The following PCDH15 variants were observed in gnomAD, a reference collection of about 807,000 sequenced individuals.
PCDH15 encodes the protein protocadherin-15.
PCDH15 carries 129 observed loss-of-function variants against 178.5 expected under a neutral mutation model. That is an observed-to-expected ratio of 0.72 (90% CI 0.63 to 0.84). The LOEUF (loss-of-function observed/expected upper bound fraction) is 0.84, where lower values mean the gene tolerates loss of function less well. Among genes scored for constraint, PCDH15 ranks in the 40% least tolerant of loss-of-function variants. PCDH15 has a pLI of 0.00. For synonymous variants in PCDH15, 800 were observed against 732.0 expected (o/e 1.09, Z -1.50); for missense variants, 2,230 against 2,099.9 (o/e 1.06, Z -1.21).
chr10:54,458,946 A>C (rs1341885582), intron 3 of PCDH15, among the ~76,000 whole-genome samples: 1 of 152,074 alleles, frequency 6.6e-6, no homozygotes, highest in Non-Finnish European at 1.5e-5. Flanking sequence ...TTCCATTGTA[A>C]CATTGATGAG....
intron 16 of PCDH15, among the ~76,000 whole-genome samples, chr10:54,085,132 T>G (rs2094496040): frequency 6.6e-6 from 1 of 152,114 alleles, no homozygotes; most frequent in African/African-American, 2.4e-5. Context: ...AGAGCTGAGC[T>G]GTCAGGGAAT....
chr10:54,455,337 TG>T (rs2076747201), intron 3 of PCDH15, among the ~76,000 whole-genome samples: 1 of 152,160 alleles, frequency 6.6e-6, no homozygotes, highest in Non-Finnish European at 1.5e-5. Flanking sequence ...TGGAAAAGTT[TG>T]GAGGGCTTAG....
intron 2 of PCDH15, among the ~76,000 whole-genome samples, chr10:54,596,392 C>T (rs2092240781): frequency 2.0e-5 from 3 of 152,056 alleles, no homozygotes; most frequent in Admixed American, 2.0e-4. Flanking sequence ...AAATATGATC[C>T]TTTTCAGAAA....
At chr10:53,810,208 G>C (rs974003334) in intron 37 of PCDH15, among the ~76,000 whole-genome samples, 5 of 152,014 alleles carry the variant, frequency 3.3e-5, no homozygotes, top group African/African-American at 1.2e-4. Flanking sequence ...TTTTAGTTTT[G>C]CTAGATAATG....
intron 2 of PCDH15, among the ~76,000 whole-genome samples, chr10:55,462,962 T>C (rs1839711738): frequency 6.6e-6 from 1 of 152,044 alleles, no homozygotes; most frequent in Non-Finnish European, 1.5e-5. Context: ...AAATGTTTTA[T>C]GTATTATGTG....
intron 2 of PCDH15, among the ~76,000 whole-genome samples, chr10:55,558,012 G>C (rs983005225): frequency 1.3e-5 from 2 of 151,992 alleles, no homozygotes; most frequent in African/African-American, 4.8e-5. Flanking sequence ...ACCATGGAGA[G>C]GGCACTAGAC....
chr10:54,845,436 A>T (rs1434054704), intron 3 of PCDH15, among the ~76,000 whole-genome samples: 1 of 152,064 alleles, frequency 6.6e-6, no homozygotes, highest in Non-Finnish European at 1.5e-5. Flanking sequence ...AGAATGAAAC[A>T]TGTTTTGGAT....
Position 54,336,131 on chromosome 10 carries a change from G to C in PCDH15, c.595-6425C>G, listed in dbSNP as rs191707753. Among the ~76,000 whole-genome samples the C allele has an allele frequency of 1.5e-3, 227 of 152,290 alleles. 1 individual carries two copies. The highest frequency in any genetic ancestry group is 2.6e-3 in the Non-Finnish European group (175 of 68,022). On this transcript the variant is annotated intron_variant, in intron 6 of 37. Transcript: ENST00000644397. ...TGATTTAGGTTATTTGGTGACATAA[G>C]TTTCTAAGTAGCAAAACATTCAAGA...
chr10:54,331,847 A>G (rs1215657672), intron 6 of PCDH15, among the ~76,000 whole-genome samples: 2 of 152,024 alleles, frequency 1.3e-5, no homozygotes, highest in Non-Finnish European at 2.9e-5. Context: ...AGTCTTGAAT[A>G]GTCTAGCTTA....
chr10:54,362,356 T>C (rs1187495533), intron 5 of PCDH15, among the ~76,000 whole-genome samples: 1 of 151,946 alleles, frequency 6.6e-6, no homozygotes, highest in East Asian at 1.9e-4. Flanking sequence ...AACATTAAAA[T>C]TATTATAAAT....
Position 54,131,604 on chromosome 10 carries a change from T to C in PCDH15, c.1917+1271A>G, listed in dbSNP as rs577995836. Reference sequence around the variant, plus strand: ...ATAATTTTGTTTCAATATTAAATGATCAATTAAAGCAAACTTTCTCTAAGT... The same window carrying C: ...ATAATTTTGTTTCAATATTAAATGACCAATTAAAGCAAACTTTCTCTAAGT... On this transcript the variant is annotated intron_variant, in intron 15 of 37. Transcript: ENST00000644397. 2.0e-5 allele frequency among the ~76,000 whole-genome samples: 3 copies of C among 152,294 alleles called. No individual in the cohort carries two copies. In the East Asian group the frequency reaches 5.8e-4, roughly 29 times the overall value.
At chr10:54,719,383 C>T (rs1299652945) in intron 1 of PCDH15, among the ~76,000 whole-genome samples, 1 of 151,836 alleles carries the variant, frequency 6.6e-6, no homozygotes, top group Non-Finnish European at 1.5e-5. Context: ...GTGTCCAAAC[C>T]TACAAACTGT....
Position 54,978,383 on chromosome 10 carries a change from G to A in PCDH15, c.-79-80883C>T, listed in dbSNP as rs117078160. Among the ~76,000 whole-genome samples the A allele has an allele frequency of 1.8e-4, 28 of 152,194 alleles. No individual in the cohort carries two copies. The East Asian group carries it at 5.0e-3, about 27-fold the overall frequency. The stretch of plus-strand genomic sequence containing the variant: ...ATCGTGCATGTTATACGACTACTTT[G>A]AATGAGGGTAGAGATAATTTTACAA... On this transcript the variant is annotated intron_variant, in intron 2 of 5. Coordinates refer to the PCDH15 transcript ENST00000458638.
chr10:53,843,384 T>C (rs1423815859), intron 28 of PCDH15, among the ~76,000 whole-genome samples: 1 of 151,288 alleles, frequency 6.6e-6, no homozygotes, highest in Non-Finnish European at 1.5e-5. Flanking sequence ...TACCTATATG[T>C]ATATAAATTT....
At chr10:54,037,727 T>C (rs995419252) in intron 18 of PCDH15, among the ~76,000 whole-genome samples, 4 of 151,982 alleles carry the variant, frequency 2.6e-5, no homozygotes, top group Admixed American at 1.3e-4. Flanking sequence ...ATTAAAAATG[T>C]GTATTGCTTT....
At chr10:55,368,858 A>G (rs1565065696) in intron 2 of PCDH15, among the ~76,000 whole-genome samples, 1 of 152,028 alleles carries the variant, frequency 6.6e-6, no homozygotes, top group Non-Finnish European at 1.5e-5. Context: ...AGAAAACTAC[A>G]GGTTGCGTAA....
chr10:55,322,716 A>G (rs1197328001), upstream of PCDH15, among the ~76,000 whole-genome samples: 2 of 151,446 alleles, frequency 1.3e-5, no homozygotes, highest in Non-Finnish European at 2.9e-5. Flanking sequence ...AATTTAGGGT[A>G]TCTGGCAGAA....
chr10:54,906,476 A>G (rs911459961), intron 2 of PCDH15, among the ~76,000 whole-genome samples: 2 of 152,132 alleles, frequency 1.3e-5, no homozygotes, highest in Non-Finnish European at 2.9e-5. Context: ...TGTACATACA[A>G]TTTGATGATT....
chr10:54,311,570 T>G (rs1448666788), intron 8 of PCDH15, among the ~76,000 whole-genome samples: 2 of 152,050 alleles, frequency 1.3e-5, no homozygotes, highest in Non-Finnish European at 2.9e-5. Context: ...GGGCAATAAT[T>G]TATTTCATCC....
Sources: gnomAD v4.1 joint callset for allele counts (sites outside exome capture counted in the v4.1 genomes callset) on GRCh38, gnomAD v4.1.1 for gene constraint, MANE v1.5 for transcripts, NCBI Gene and HGNC (gene_info 2026-07-23, HGNC 2026-07-21) for gene names.